The following ABI3BP variants were observed in gnomAD, a reference collection of about 807,000 sequenced individuals.
ABI3BP encodes target of Nesh-SH3.
A neutral mutation model predicts 268.6 loss-of-function variants in ABI3BP; 216 were observed. The observed-to-expected ratio is 0.80, with a 90% CI of 0.72 to 0.90. The LOEUF is 0.90. ABI3BP is among the 40% of genes least tolerant of loss of function. The pLI is 0.00. For synonymous variants in ABI3BP, 730 were observed against 730.0 expected (o/e 1.00, Z 0.00); for missense variants, 2,090 against 2,182.4 (o/e 0.96, Z 0.84).
At chr3:100,789,404 A>G (rs1244282960) in intron 56 of ABI3BP, 50 bp downstream of exon 56, 2 of 1,551,866 alleles carry the variant, frequency 1.3e-6, no homozygotes, top group Non-Finnish European at 1.8e-6. Flanking sequence ...AGTCCATTTC[A>G]TATCTTCCCC....
intron 1 of ABI3BP, among the ~76,000 whole-genome samples, chr3:100,937,093 G>A (rs769172739): frequency 1.3e-5 from 2 of 152,002 alleles, no homozygotes; most frequent in African/African-American, 4.8e-5. Flanking sequence ...GCAGGTCATA[G>A]TTTGCCAACT....
At chr3:100,903,952 G>A (rs777510200) in intron 2 of ABI3BP, among the ~76,000 whole-genome samples, 1 of 152,186 alleles carries the variant, frequency 6.6e-6, no homozygotes, top group Non-Finnish European at 1.5e-5. Flanking sequence ...AGTCTCGTGT[G>A]TTTGAAAGCA....
At chr3:100,951,945 G>A (rs115963864) in intron 1 of ABI3BP, among the ~76,000 whole-genome samples, 3,215 of 150,162 alleles carry the variant, frequency 0.021, 46 homozygotes, top group Middle Eastern at 0.051. Flanking sequence ...CTTGCAATGA[G>A]TTGTAAATAA....
In ABI3BP at chr3:100,828,453, C is replaced by G. The variant is rs1330816158; in HGVS notation, c.2543-1G>C. The G allele has an allele frequency of 3.3e-6, 5 of 1,533,880 alleles. No homozygotes were observed. In the South Asian group the frequency reaches 3.6e-5, roughly 11 times the overall value. ...ACTGGTTCAAAGATTGTAGCAGGAA[C>G]TGGCCAAAAATAATAAAAATAAAAC... On this transcript the variant is annotated splice_acceptor_variant, in intron 33 of 67. Transcript: ENST00000471714. LOFTEE classifies it high-confidence loss of function.
intron 1 of ABI3BP, among the ~76,000 whole-genome samples, chr3:100,944,089 A>T (rs2070915487): frequency 6.6e-6 from 1 of 152,096 alleles, no homozygotes; most frequent in East Asian, 1.9e-4. Flanking sequence ...AAGGTCTCTG[A>T]CACCTTTCCC....
intron 20 of ABI3BP, 119 bp from the exon 21 acceptor site, chr3:100,842,158 C>A: frequency 1.3e-6 from 1 of 778,242 alleles, no homozygotes; most frequent in Non-Finnish European, 2.0e-6. Context: ...GTTCTACTGG[C>A]TTCTGCCAGT....
chr3:100,860,900 G>T (rs374708278), intron 14 of ABI3BP, among the ~76,000 whole-genome samples: 9 of 152,210 alleles, frequency 5.9e-5, no homozygotes, highest in African/African-American at 2.2e-4. Context: ...GGGCTGTCAC[G>T]GTGCAGCAGA....
chr3:100,781,823 C>A (rs2096872757), intron 57 of ABI3BP, among the ~76,000 whole-genome samples: 1 of 152,134 alleles, frequency 6.6e-6, no homozygotes, highest in South Asian at 2.1e-4. Flanking sequence ...CATGACTTGA[C>A]TTAATCCTTA....
At chr3:100,878,273 T>G (rs1156263307) in intron 6 of ABI3BP, among the ~76,000 whole-genome samples, 1 of 152,188 alleles carries the variant, frequency 6.6e-6, no homozygotes, top group Non-Finnish European at 1.5e-5. Flanking sequence ...CACAATTTTA[T>G]AAATACATGT....
intron 1 of ABI3BP, chr3:100,930,995 G>C (rs556958362): frequency 2.0e-5 from 3 of 152,210 alleles, no homozygotes; most frequent in African/African-American, 7.2e-5. Flanking sequence ...AATTTGCCAT[G>C]ATCAAGTAGG....
rs78724242 is a variant in ABI3BP at position 100,753,183 on chromosome 3, C to G, written c.4961-235G>C. Among the ~76,000 whole-genome samples the G allele has an allele frequency of 3.4e-4, 52 of 152,258 alleles. No homozygotes were observed. In the East Asian group the frequency reaches 5.4e-3, roughly 16 times the overall value. On this transcript the variant is annotated intron_variant, in intron 65 of 67. Coordinates refer to ENST00000471714, the MANE Select transcript of ABI3BP (RefSeq NM_001375547.2). ...TAGGTGTTGAATAGCCTCTGCAGAG[C>G]TGGATGTAGACAGTGTCATTTAGGA...
At chr3:100,806,778 G>T (rs1021019943) in intron 50 of ABI3BP, among the ~76,000 whole-genome samples, 1 of 152,072 alleles carries the variant, frequency 6.6e-6, no homozygotes, top group African/African-American at 2.4e-5. Flanking sequence ...ACTCACTGAG[G>T]ATGTGAATCT....
chr3:100,979,166 T>C (rs2087876544), intron 1 of ABI3BP, among the ~76,000 whole-genome samples: 1 of 152,226 alleles, frequency 6.6e-6, no homozygotes. Context: ...CTTGCTAAGC[T>C]AGAGGACCAC....
chr3:100,761,033 C>G (rs1169433507), intron 63 of ABI3BP, among the ~76,000 whole-genome samples: 1 of 152,120 alleles, frequency 6.6e-6, no homozygotes, highest in African/African-American at 2.4e-5. Flanking sequence ...TCTCCCTTCT[C>G]CCACCCTTCA....
chr3:100,954,722 G>C (rs1288285168), intron 1 of ABI3BP, among the ~76,000 whole-genome samples: 1 of 152,094 alleles, frequency 6.6e-6, no homozygotes, highest in Non-Finnish European at 1.5e-5. Flanking sequence ...ATCTTAGTGT[G>C]AAAATCTTGT....
intron 20 of ABI3BP, chr3:100,844,441 T>A: frequency 5.1e-6 from 5 of 985,386 alleles, no homozygotes; most frequent in Non-Finnish European, 6.0e-6. Context: ...TTTTTACTCG[T>A]TGACTTAACC....
intron 4 of ABI3BP, among the ~76,000 whole-genome samples, chr3:100,894,966 A>AAAAAAAAAAAAAAAAAC (rs1561385846): frequency 7.2e-6 from 1 of 138,614 alleles, no homozygotes; most frequent in Non-Finnish European, 1.6e-5. Context: ...AAAAAAAAAA[A>AAAAAAAAAAAAAAAAAC]ACAGAAAAAA....
At chr3:100,943,736 TTTG>T (rs2070693454) in intron 1 of ABI3BP, among the ~76,000 whole-genome samples, 1 of 152,158 alleles carries the variant, frequency 6.6e-6, no homozygotes, top group Non-Finnish European at 1.5e-5. Context: ...TCAGTAGCTT[TTTG>T]TTGTTATTGT....
intron 36 of ABI3BP, 41 bp downstream of exon 36, chr3:100,824,817 C>A: frequency 6.7e-7 from 1 of 1,491,152 alleles, no homozygotes; most frequent in Admixed American, 2.0e-5. Flanking sequence ...CTGCGACAGG[C>A]TGCCAGGGAT....
Sources: gnomAD v4.1 joint callset for allele counts (sites outside exome capture counted in the v4.1 genomes callset) on GRCh38, gnomAD v4.1.1 for gene constraint, MANE v1.5 for transcripts, NCBI Gene and HGNC (gene_info 2026-07-23, HGNC 2026-07-21) for gene names.